The following KIAA2012 variants were observed in gnomAD, a reference collection of about 807,000 sequenced individuals.
KIAA2012 encodes the protein uncharacterized protein KIAA2012.
In KIAA2012, 125 loss-of-function variants were observed where a neutral mutation model predicts 150.6. The ratio of observed to expected loss-of-function variants is 0.83; its 90% CI spans 0.72 to 0.96. The LOEUF (loss-of-function observed/expected upper bound fraction) is 0.96, where lower values mean the gene tolerates loss of function less well. KIAA2012 is among the 40% of genes least tolerant of loss of function. The probability of loss-of-function intolerance (pLI) is 0.00; values close to 1 mark genes in which losing one functional copy is unlikely to be tolerated. For synonymous variants in KIAA2012, 462 were observed against 504.7 expected, an observed-to-expected ratio of 0.92 and a Z score of 1.13; for missense variants, 1,219 against 1,354.9, an observed-to-expected ratio of 0.90 and a Z score of 1.57.
chr2:202,176,411 GGTCTCAAATTCCTGAACTCAAGTGATC>G (rs1691993457), intron 15 of KIAA2012, among the ~76,000 whole-genome samples: 1 of 152,048 alleles, frequency 6.6e-6, no homozygotes, highest in African/African-American at 2.4e-5. Flanking sequence ...TGGCCAGGCT[GGTCTCAAATTCCTGAACTCAAGTGATC>G]AGCCTGCCTT....
At chr2:202,175,458 T>C (rs1559228884) in intron 15 of KIAA2012, among the ~76,000 whole-genome samples, 1 of 152,224 alleles carries the variant, frequency 6.6e-6, no homozygotes, top group Non-Finnish European at 1.5e-5. Flanking sequence ...TCATCACCAA[T>C]GTAAAGGTAT....
intron 10 of KIAA2012, among the ~76,000 whole-genome samples, chr2:202,112,580 CT>C (rs981902368): frequency 2.0e-4 from 30 of 152,152 alleles, no homozygotes; most frequent in African/African-American, 6.8e-4. Flanking sequence ...GGGGGGCAGT[CT>C]TGTGGACTGA....
chr2:202,076,298 A>G (rs531283174), intron 2 of KIAA2012, among the ~76,000 whole-genome samples: 1 of 152,274 alleles, frequency 6.6e-6, no homozygotes, highest in East Asian at 1.9e-4. Context: ...AGTACCCACA[A>G]ATGTTTGTGG....
At chr2:202,110,524 G>T (rs112890061) in intron 10 of KIAA2012, among the ~76,000 whole-genome samples, 19 of 152,198 alleles carry the variant, frequency 1.2e-4, no homozygotes, top group African/African-American at 4.6e-4. Flanking sequence ...TTTCTGCTTC[G>T]TTGAAGGCTT....
chr2:202,196,474 CG>C (rs1180294788), intron 21 of KIAA2012, among the ~76,000 whole-genome samples: 1 of 151,856 alleles, frequency 6.6e-6, no homozygotes, highest in Non-Finnish European at 1.5e-5. Context: ...GGATTACAGG[CG>C]TGAGCCACCA....
intron 2 of KIAA2012, among the ~76,000 whole-genome samples, chr2:202,087,138 C>T (rs1239842816): frequency 6.6e-6 from 1 of 152,128 alleles, no homozygotes; most frequent in African/African-American, 2.4e-5. Flanking sequence ...TGCTTTTGCA[C>T]TACAAGGACA....
At chr2:202,189,194 C>A (rs1312099037) in intron 18 of KIAA2012, among the ~76,000 whole-genome samples, 7 of 152,104 alleles carry the variant, frequency 4.6e-5, no homozygotes, top group Admixed American at 4.6e-4. Context: ...TACAAAGCTG[C>A]AACCTCAAGC....
In KIAA2012 at chr2:202,073,279, C is replaced by T. The variant is rs765685432; in HGVS notation, c.-349C>T. On this transcript the variant is annotated 5_prime_UTR_variant, in exon 1 of 24. Transcript: ENST00000498697. ...CAGACAAGAAGGATGGTGCTGTGGCCGAGATCTGTAGATGCACACGGCTGG... is the reference window on the plus strand; with the variant it reads ...CAGACAAGAAGGATGGTGCTGTGGCTGAGATCTGTAGATGCACACGGCTGG... The T allele has an allele frequency of 8.9e-5, 18 of 202,906 alleles. No homozygotes were observed. Among genetic ancestry groups the T allele is most frequent in the Admixed American group, 2.2e-4 (4 of 18,092 alleles). 12.6% of individuals were successfully genotyped at this position (202,906 alleles called of 1,614,324 possible). A position where few individuals can be genotyped will look rare whatever the true frequency, so the allele number is the denominator to read the frequency against.
At chr2:202,197,222 C>G (rs1692431792) in intron 22 of KIAA2012, 2 of 821,378 alleles carry the variant, frequency 2.4e-6, no homozygotes, top group African/African-American at 3.5e-5. Flanking sequence ...TGTAATGAAT[C>G]TACAAGGGAG....
intron 15 of KIAA2012, among the ~76,000 whole-genome samples, chr2:202,169,833 G>A (rs576445994): frequency 2.0e-5 from 3 of 152,350 alleles, no homozygotes; most frequent in African/African-American, 7.2e-5. Flanking sequence ...TCCTTTACCA[G>A]CTGTGCCTTT....
chr2:202,138,300 C>T (rs1231257430), intron 12 of KIAA2012, 132 bp from the exon 13 acceptor site: 17 of 669,406 alleles, frequency 2.5e-5, no homozygotes, highest in Non-Finnish European at 4.2e-5. Flanking sequence ...TTATGAATGC[C>T]ATGGGTGTAT....
intron 13 of KIAA2012, among the ~76,000 whole-genome samples, chr2:202,139,607 C>G (rs560132428): frequency 6.6e-6 from 1 of 152,340 alleles, no homozygotes; most frequent in South Asian, 2.1e-4. Context: ...GAGCTGGGCT[C>G]TGAGGTAGGA....
chr2:202,073,839 A>T, intron 1 of KIAA2012, 128 bp downstream of exon 1: 1 of 707,166 alleles, frequency 1.4e-6, no homozygotes, highest in Non-Finnish European at 2.4e-6. Flanking sequence ...TCACTGGAAG[A>T]TCTTCCTTCC....
rs570015424 is a variant in KIAA2012 at position 202,148,486 on chromosome 2, C to T, written c.1909-6187C>T. On this transcript the variant is annotated intron_variant, in intron 13 of 23. Transcript: ENST00000498697. ...GCCTACTTGTGGAGCCCTCGCAAAA[C>T]GGCCCACTCAGCCCATTTCACCAGC... is the stretch of plus-strand genomic sequence containing the variant. 7.9e-5 allele frequency among the ~76,000 whole-genome samples: 12 copies of T among 152,308 alleles called. 1 individual carries two copies. In the South Asian group the frequency reaches 1.0e-3, roughly 13 times the overall value.
intron 2 of KIAA2012, among the ~76,000 whole-genome samples, chr2:202,088,110 T>C (rs548210313): frequency 5.3e-4 from 81 of 152,320 alleles, no homozygotes; most frequent in African/African-American, 1.9e-3. Context: ...GGCTATACTG[T>C]ACAAATATTA....
chr2:202,162,581 CTTTTTTTT>C (rs890834084), intron 14 of KIAA2012, among the ~76,000 whole-genome samples: 1 of 120,870 alleles, frequency 8.3e-6, no homozygotes, highest in Non-Finnish European at 1.8e-5. Context: ...GGCCCAGAGT[CTTTTTTTT>C]TTTTTTTTTT....
intron 23 of KIAA2012, among the ~76,000 whole-genome samples, chr2:202,203,577 C>T: frequency 6.6e-6 from 1 of 152,160 alleles, no homozygotes; most frequent in Admixed American, 6.5e-5. Context: ...GCTCAGTGGT[C>T]ATGTGTGGTT....
chr2:202,143,838 A>C (rs1258100323), intron 13 of KIAA2012, among the ~76,000 whole-genome samples: 1 of 152,108 alleles, frequency 6.6e-6, no homozygotes, highest in East Asian at 1.9e-4. Context: ...TTGGCATTTT[A>C]TCCCTCTAAC....
intron 18 of KIAA2012, among the ~76,000 whole-genome samples, chr2:202,189,008 T>C (rs12995131): frequency 0.1 from 15,190 of 152,262 alleles, 987 homozygotes; most frequent in Non-Finnish European, 0.13. Context: ...GATACACTCC[T>C]GAGTGAAACC....
Sources: allele counts gnomAD v4.1 joint callset (sites outside exome capture counted in the v4.1 genomes callset), GRCh38; gene constraint gnomAD v4.1.1; transcripts MANE v1.5; gene names NCBI Gene and HGNC (gene_info 2026-07-23, HGNC 2026-07-21).